The following DAB1 variants were observed in gnomAD, a reference collection of about 807,000 sequenced individuals.
DAB1 encodes the protein disabled homolog 1.
A neutral mutation model predicts 64.6 loss-of-function variants in DAB1; 15 were observed. That is an observed-to-expected ratio of 0.23 (90% CI 0.16 to 0.36). The LOEUF is 0.36. DAB1 is among the 10% of genes least tolerant of loss of function. The pLI, the probability that DAB1 is intolerant of heterozygous loss-of-function variation, is 1.00. For missense variants in DAB1, 596 were observed against 706.7 expected, an observed-to-expected ratio of 0.84 and a Z score of 1.78; for synonymous variants, 235 against 251.9, an observed-to-expected ratio of 0.93 and a Z score of 0.64.
At chr1:57,125,025 G>A (rs1003320655) in intron 4 of DAB1, among the ~76,000 whole-genome samples, 14 of 151,648 alleles carry the variant, frequency 9.2e-5, no homozygotes, top group African/African-American at 3.1e-4. Context: ...GTGATTGTGA[G>A]GACAGAATGA....
At chr1:58,429,365 T>A (rs1433455141) in intron 3 of DAB1, among the ~76,000 whole-genome samples, 4 of 151,488 alleles carry the variant, frequency 2.6e-5, no homozygotes, top group Admixed American at 6.6e-5. Flanking sequence ...GAGGATGGAG[T>A]ATTATGTTCG....
intron 2 of DAB1, among the ~76,000 whole-genome samples, chr1:57,272,498 C>A (rs966988808): frequency 6.6e-6 from 1 of 152,196 alleles, no homozygotes; most frequent in South Asian, 2.1e-4. Context: ...TAAATATACA[C>A]CAAACTGAGG....
chr1:57,467,274 C>T (rs1392209347), intron 7 of DAB1, among the ~76,000 whole-genome samples: 1 of 152,100 alleles, frequency 6.6e-6, no homozygotes, highest in Non-Finnish European at 1.5e-5. Context: ...AGATGAAAAA[C>T]ATTGATTTGA....
At chr1:57,857,191 T>G (rs2101935841) in intron 1 of DAB1, among the ~76,000 whole-genome samples, 1 of 152,146 alleles carries the variant, frequency 6.6e-6, no homozygotes, top group East Asian at 1.9e-4. Context: ...TGAAATAATG[T>G]GAGAGAAACA....
intron 6 of DAB1, among the ~76,000 whole-genome samples, chr1:57,661,974 AG>A (rs1307146431): frequency 6.6e-6 from 1 of 152,056 alleles, no homozygotes; most frequent in East Asian, 1.9e-4. Flanking sequence ...TTGGGACTTG[AG>A]GGTGACCGTA....
chr1:58,046,811 G>C (rs1647276587), intron 5 of DAB1, among the ~76,000 whole-genome samples: 1 of 152,160 alleles, frequency 6.6e-6, no homozygotes, highest in Admixed American at 6.5e-5. Context: ...AGCCACTGGT[G>C]CTGGGGATAG....
intron 6 of DAB1, among the ~76,000 whole-genome samples, chr1:57,747,091 T>G (rs780891611): frequency 4.6e-5 from 7 of 152,228 alleles, no homozygotes; most frequent in Admixed American, 6.5e-5. Context: ...TGCTTTTTTG[T>G]CATATTTATG....
chr1:57,942,312 A>G (rs1179825453), intron 5 of DAB1, among the ~76,000 whole-genome samples: 1 of 152,206 alleles, frequency 6.6e-6, no homozygotes, highest in Non-Finnish European at 1.5e-5. Context: ...AGGACACCCA[A>G]AAAGAAATAA....
chr1:58,228,796 C>A, intron 4 of DAB1: 1 of 764,962 alleles, frequency 1.3e-6, no homozygotes, highest in Non-Finnish European at 2.2e-6. Flanking sequence ...TCATAGAGCA[C>A]AAAGAACAGG....
At chr1:57,246,729 C>A (rs1350255185) in intron 2 of DAB1, among the ~76,000 whole-genome samples, 1 of 152,228 alleles carries the variant, frequency 6.6e-6, no homozygotes, top group Non-Finnish European at 1.5e-5. Flanking sequence ...ACCTCGGGGG[C>A]TATATCCTGC....
chr1:57,311,679 A>G (rs1025060634), intron 1 of DAB1, among the ~76,000 whole-genome samples: 4 of 152,160 alleles, frequency 2.6e-5, no homozygotes, highest in African/African-American at 9.6e-5. Flanking sequence ...ACTTTTCTGG[A>G]TGCTCTAACA....
intron 1 of DAB1, among the ~76,000 whole-genome samples, chr1:57,326,888 A>G (rs1676203332): frequency 6.6e-6 from 1 of 152,136 alleles, no homozygotes; most frequent in South Asian, 2.1e-4. Context: ...CTAGGGGTAC[A>G]CAAACCCACA....
chr1:57,170,281 G>A lies in DAB1; in HGVS notation c.68-24852C>T, dbSNP rs149708868. 8.1e-3 allele frequency among the ~76,000 whole-genome samples: 1,227 copies of A among 152,202 alleles called. 14 individuals carry two copies. The highest frequency in any genetic ancestry group is 0.027 in the African/African-American group (1,116 of 41,538). ...TCCAAAGTGCTGGGATTACAGGTGT[G>A]AGCCACCATGCCCAGCCCTTACCAT... is the stretch of plus-strand genomic sequence containing the variant. On this transcript the variant is annotated intron_variant, in intron 2 of 14. Coordinates refer to ENST00000371236, the MANE Select transcript of DAB1 (RefSeq NM_001365792.1).
intron 1 of DAB1, among the ~76,000 whole-genome samples, chr1:57,872,220 G>A (rs1643964034): frequency 6.6e-6 from 1 of 152,016 alleles, no homozygotes; most frequent in African/African-American, 2.4e-5. Flanking sequence ...TAAAACTCAT[G>A]TGTTAAAACC....
chr1:58,423,658 C>T (rs1644794176), intron 3 of DAB1, among the ~76,000 whole-genome samples: 1 of 152,234 alleles, frequency 6.6e-6, no homozygotes, highest in Admixed American at 6.5e-5. Context: ...GCCCCACTTA[C>T]TCCAGATTTC....
chr1:58,250,901 G>T (rs1660777239), intron 4 of DAB1, among the ~76,000 whole-genome samples: 1 of 152,126 alleles, frequency 6.6e-6, no homozygotes, highest in Admixed American at 6.5e-5. Context: ...GTGTTCACAG[G>T]TGCAAGATTT....
In DAB1 at chr1:57,676,127, C is replaced by A. The variant is rs538740794; in HGVS notation, n.552-26462G>T. ...GGGGAGACAAGCCAGCAAGACATAG[C>A]AACATAGGGCAGGGAGGCTTTGCTA... On this transcript the variant is annotated intron_variant and non_coding_transcript_variant, in intron 6 of 20. Transcript: ENST00000485760. Among the ~76,000 whole-genome samples the A allele has an allele frequency of 2.0e-5, 3 of 152,258 alleles. No individual in the cohort carries two copies. The South Asian group carries it at 6.2e-4, about 32-fold the overall frequency.
At chr1:57,394,688 C>A (rs966808054) in intron 1 of DAB1, among the ~76,000 whole-genome samples, 1 of 152,174 alleles carries the variant, frequency 6.6e-6, no homozygotes, top group Non-Finnish European at 1.5e-5. Context: ...GAACAGGGAG[C>A]ATTTTCATGT....
rs1042435668 is a variant in DAB1, at chr1:56,996,455, C to T, written c.*1689G>A. On this transcript the variant is annotated 3_prime_UTR_variant, in exon 15 of 15. Transcript: ENST00000371236. Reference sequence around the variant, plus strand: ...TTATGAAAATCATGTGCTAAACATACGAACCAAACACTGCACTTTTTGTCT... The same window carrying T: ...TTATGAAAATCATGTGCTAAACATATGAACCAAACACTGCACTTTTTGTCT... 10 of 152,134 alleles carry T rather than the reference C, an allele frequency of 6.6e-5. No individual in the cohort carries two copies. The highest frequency in any genetic ancestry group is 1.5e-4 in the Non-Finnish European group (10 of 68,034). The allele number at this position is 152,134 out of a possible 1,614,324, so 9.4% of individuals were successfully genotyped here. A position where few individuals can be genotyped will look rare whatever the true frequency, so the allele number is the denominator to read the frequency against.
Sources: gnomAD v4.1 joint callset for allele counts (sites outside exome capture counted in the v4.1 genomes callset) on GRCh38, gnomAD v4.1.1 for gene constraint, MANE v1.5 for transcripts, NCBI Gene and HGNC (gene_info 2026-07-23, HGNC 2026-07-21) for gene names.